Variants in ZNF474 observed in about 807,000 individuals in gnomAD.
The protein encoded by ZNF474 is zinc finger protein 474.
For synonymous variants in ZNF474, 192 were observed against 162.2 expected (o/e 1.18, Z -1.39); for missense variants, 511 against 433.8 (o/e 1.18, Z -1.58).
intron 1 of ZNF474, among the ~76,000 whole-genome samples, chr5:122,150,052 GTC>G (rs1408460085): frequency 6.6e-6 from 1 of 152,062 alleles, no homozygotes; most frequent in Non-Finnish European, 1.5e-5. Context: ...TCATATTAGT[GTC>G]TGCAATTTCC....
chr5:122,136,063 A>G (rs1348816327), intron 1 of ZNF474, among the ~76,000 whole-genome samples: 2 of 152,160 alleles, frequency 1.3e-5, no homozygotes, highest in African/African-American at 4.8e-5. Flanking sequence ...AATAAGACGT[A>G]ATGTTCAGGA....
intron 1 of ZNF474, 86 bp from the exon 2 acceptor site, chr5:122,151,690 CACA>C (rs1251085488): frequency 4.8e-6 from 1 of 209,188 alleles, no homozygotes; most frequent in African/African-American, 2.7e-5. Flanking sequence ...CACACACACA[CACA>C]AAACAACCTA....
intron 1 of ZNF474, among the ~76,000 whole-genome samples, chr5:122,134,930 T>G (rs1195114975): frequency 6.6e-6 from 1 of 152,212 alleles, no homozygotes; most frequent in Non-Finnish European, 1.5e-5. Flanking sequence ...TCTAGTACAT[T>G]GGTCTGGTCA....
At chr5:122,147,643 T>C (rs1218677821) in intron 1 of ZNF474, among the ~76,000 whole-genome samples, 2 of 152,032 alleles carry the variant, frequency 1.3e-5, no homozygotes, top group East Asian at 3.9e-4. Context: ...TCTGTCCTTG[T>C]GACAGTCTGC....
chr5:122,149,903 G>GTGTGTGTGTGTGTGTGTGTT (rs1186152932), intron 1 of ZNF474, among the ~76,000 whole-genome samples: 13 of 151,160 alleles, frequency 8.6e-5, no homozygotes, highest in African/African-American at 3.2e-4. Context: ...GTGTGTGTGT[G>GTGTGTGTGTGTGTGTGTGTT]TGTGTGTGTG....
chr5:122,141,638 C>T (rs1442760552), intron 1 of ZNF474, among the ~76,000 whole-genome samples: 1 of 151,644 alleles, frequency 6.6e-6, no homozygotes, highest in Non-Finnish European at 1.5e-5. Flanking sequence ...TGAGGTTTCA[C>T]CATGTTGGCC....
chr5:122,153,254 G>T lies in ZNF474; in HGVS notation c.*169G>T. 4.0e-6 allele frequency: 3 copies of T among 747,070 alleles called. No individual in the cohort carries two copies. The highest frequency in any genetic ancestry group is 6.3e-6 in the Non-Finnish European group (3 of 477,352). 46.3% of individuals were successfully genotyped at this position (747,070 alleles called of 1,614,324 possible). On this transcript the variant is annotated 3_prime_UTR_variant, in exon 2 of 2. Transcript: ENST00000296600. ...GATATAAGAACATCCTTGCCTGATG[G>T]GTTCATATTCCTCTTCAATTCTGCT...
At chr5:122,141,612 T>C (rs955131758) in intron 1 of ZNF474, among the ~76,000 whole-genome samples, 1 of 151,748 alleles carries the variant, frequency 6.6e-6, no homozygotes, top group South Asian at 2.1e-4. Flanking sequence ...CGGCCCTAGC[T>C]AATTTTTTGT....
At chr5:122,130,297 G>A (rs567573530) in intron 1 of ZNF474, among the ~76,000 whole-genome samples, 22 of 152,150 alleles carry the variant, frequency 1.4e-4, no homozygotes, top group African/African-American at 4.6e-4. Flanking sequence ...GTCAGGGCAC[G>A]GGACATTTAT....
Position 122,152,753 on chromosome 5 carries a change from C to G in ZNF474, c.763C>G (p.Pro255Ala). The change falls in exon 2 of 2, where the codon CCT (proline) becomes GCT (alanine). Residue 255 changes from proline (P) to alanine (A), a missense_variant. Pro to Ala is a conservative substitution (Grantham distance 27, BLOSUM62 -1). Coordinates refer to ENST00000296600, the MANE Select transcript of ZNF474 (RefSeq NM_207317.3). ...GTGGAAAATGGAAAATGACCGGCTC[C>G]CTGTGGAGCTCCACCAGCCACTCCC... The part of the protein sequence containing the change: ...EKWKMENDRL[P>A]VELHQPLPQK... 3 of 1,614,170 alleles carry G rather than the reference C, an allele frequency of 1.9e-6. No homozygotes were observed.
At chr5:122,138,189 A>T (rs1235202580) in intron 1 of ZNF474, among the ~76,000 whole-genome samples, 1 of 152,222 alleles carries the variant, frequency 6.6e-6, no homozygotes, top group Non-Finnish European at 1.5e-5. Flanking sequence ...ATATAAGAAG[A>T]TGATAGAATA....
At chr5:122,143,507 C>T (rs1373447020) in intron 1 of ZNF474, among the ~76,000 whole-genome samples, 1 of 152,068 alleles carries the variant, frequency 6.6e-6, no homozygotes, top group Admixed American at 6.6e-5. Context: ...TGTTTAAAAA[C>T]CATAATATAT....
At chr5:122,145,702 A>AT (rs1401065599) in intron 1 of ZNF474, among the ~76,000 whole-genome samples, 5 of 152,200 alleles carry the variant, frequency 3.3e-5, no homozygotes, top group African/African-American at 1.2e-4. Context: ...ACAAAAATGC[A>AT]TTTTCAGTGG....
At chr5:122,144,224 G>C (rs894567439) in intron 1 of ZNF474, among the ~76,000 whole-genome samples, 2 of 152,052 alleles carry the variant, frequency 1.3e-5, no homozygotes, top group South Asian at 4.1e-4. Flanking sequence ...TAATAAATAT[G>C]TTGTATTTAT....
At position 122,141,745 on chromosome 5, in the gene ZNF474, A is replaced by G. The variant is rs181575922; in HGVS notation, c.-212-10034A>G. Among the ~76,000 whole-genome samples the G allele has an allele frequency of 7.4e-4, 113 of 152,266 alleles. No homozygotes were observed. The East Asian group carries it at 0.02, about 27-fold the overall frequency. On this transcript the variant is annotated intron_variant, in intron 1 of 1. Transcript: ENST00000296600. ...TGAACCTCTACACCCAGCTCACAGCACGATCATCTTTCTTTTGGGGGCAGT... is the reference window on the plus strand; with the variant it reads ...TGAACCTCTACACCCAGCTCACAGCGCGATCATCTTTCTTTTGGGGGCAGT...
chr5:122,150,416 G>T (rs1361765442), intron 1 of ZNF474, among the ~76,000 whole-genome samples: 1 of 152,146 alleles, frequency 6.6e-6, no homozygotes, highest in East Asian at 1.9e-4. Context: ...CCAAAGTACA[G>T]GAGCTGGGCA....
rs35051222 is a variant in ZNF474, at chr5:122,149,885, C to CTGTG, written c.-212-1869_-212-1866dup. On this transcript the variant is annotated intron_variant, in intron 1 of 1. Coordinates refer to ENST00000296600, the MANE Select transcript of ZNF474 (RefSeq NM_207317.3). The stretch of plus-strand genomic sequence containing the variant: ...TAATCTGCTGGAAACAGAATTGACT[C>CTGTG]TGTGTGTGTGTGTGTGTGTGTGTGT... Among the ~76,000 whole-genome samples, 826 of 141,572 alleles carry CTGTG rather than the reference C, an allele frequency of 5.8e-3. 4 individuals are homozygous for CTGTG. Among genetic ancestry groups the CTGTG allele is most frequent in the African/African-American group, 0.015 (543 of 37,308 alleles). The allele number at this position is 141,572 out of a possible 152,430, so 92.9% of individuals were successfully genotyped here. A position where few individuals can be genotyped will look rare whatever the true frequency, so the allele number is the denominator to read the frequency against.
chr5:122,138,320 C>T (rs1229109490), intron 1 of ZNF474, among the ~76,000 whole-genome samples: 1 of 152,106 alleles, frequency 6.6e-6, no homozygotes, highest in East Asian at 1.9e-4. Flanking sequence ...TGTCTAATTC[C>T]TTACCTTGCA....
At chr5:122,136,553 C>T (rs534379003) in intron 1 of ZNF474, among the ~76,000 whole-genome samples, 130 of 152,270 alleles carry the variant, frequency 8.5e-4, no homozygotes, top group South Asian at 4.2e-3. Flanking sequence ...TCTGGTTGCT[C>T]ACTACTTGAT....
Sources: allele counts gnomAD v4.1 joint callset (sites outside exome capture counted in the v4.1 genomes callset), GRCh38; gene constraint gnomAD v4.1.1; transcripts MANE v1.5; gene names NCBI Gene and HGNC (gene_info 2026-07-23, HGNC 2026-07-21).